KALRN: variants seen among roughly 807,000 people sequenced by gnomAD.
KALRN encodes kalirin RhoGEF kinase.
In KALRN, 70 loss-of-function variants were observed where a neutral mutation model predicts 353.7. That is an observed-to-expected ratio of 0.20 (90% CI 0.16 to 0.24). The LOEUF is 0.24. Among genes scored for constraint, KALRN ranks in the 10% least tolerant of loss-of-function variants. The pLI, the probability that KALRN is intolerant of heterozygous loss-of-function variation, is 1.00. For missense variants in KALRN, 2,791 were observed against 3,756.7 expected (o/e 0.74, Z 6.72); for synonymous variants, 1,391 against 1,434.8 (o/e 0.97, Z 0.69).
intron 5 of KALRN, among the ~76,000 whole-genome samples, chr3:124,286,689 T>A (rs2075944799): frequency 6.6e-6 from 1 of 152,256 alleles, no homozygotes; most frequent in Admixed American, 6.5e-5. Context: ...CATACAATTC[T>A]TTTTATAGAT....
At chr3:124,385,614 G>A (rs1307704229) in intron 11 of KALRN, among the ~76,000 whole-genome samples, 1 of 152,116 alleles carries the variant, frequency 6.6e-6, no homozygotes, top group Non-Finnish European at 1.5e-5. Context: ...TGAAAGAAGG[G>A]GGACTGAGAT....
chr3:124,349,445 GA>G (rs1054841648), intron 10 of KALRN, among the ~76,000 whole-genome samples: 16 of 151,906 alleles, frequency 1.1e-4, no homozygotes, highest in African/African-American at 3.9e-4. Flanking sequence ...AAAACATTAT[GA>G]TTTTTTTTGC....
intron 6 of KALRN, among the ~76,000 whole-genome samples, chr3:124,312,318 G>A (rs955720742): frequency 2.0e-4 from 31 of 152,056 alleles, no homozygotes. Context: ...CCGCCACCAT[G>A]CCCGGCTAAT....
At chr3:124,377,703 A>G (rs971955057) in intron 10 of KALRN, among the ~76,000 whole-genome samples, 2 of 152,176 alleles carry the variant, frequency 1.3e-5, no homozygotes, top group Non-Finnish European at 2.9e-5. Flanking sequence ...CAGTCTTTAC[A>G]TAGTTTGAAC....
At chr3:124,284,777 A>C (rs1300225648) in intron 5 of KALRN, among the ~76,000 whole-genome samples, 1 of 152,204 alleles carries the variant, frequency 6.6e-6, no homozygotes, top group Non-Finnish European at 1.5e-5. Context: ...GAAGACAGTA[A>C]AATTTGCTTA....
intron 3 of KALRN, among the ~76,000 whole-genome samples, chr3:124,252,079 A>C (rs966576597): frequency 1.6e-4 from 25 of 152,194 alleles, no homozygotes; most frequent in Admixed American, 1.6e-3. Flanking sequence ...CTTCTGGCAC[A>C]CTTGAGGGTG....
intron 34 of KALRN, among the ~76,000 whole-genome samples, chr3:124,579,352 A>G (rs755942390): frequency 3.9e-5 from 6 of 152,248 alleles, no homozygotes; most frequent in Non-Finnish European, 7.3e-5. Context: ...AGCCTTATTC[A>G]TGTAAAATGG....
intron 16 of KALRN, among the ~76,000 whole-genome samples, chr3:124,433,596 T>TAAAA (rs144487793): frequency 9.5e-5 from 9 of 95,108 alleles, no homozygotes; most frequent in Non-Finnish European, 1.5e-4. Context: ...AGACCCTGTC[T>TAAAA]AAAAAAAAAA....
intron 31 of KALRN, among the ~76,000 whole-genome samples, chr3:124,492,052 T>C (rs764379175): frequency 3.9e-5 from 6 of 152,060 alleles, no homozygotes; most frequent in Non-Finnish European, 8.8e-5. Context: ...ATGCAGATGA[T>C]GAAGTTCCCA....
intron 1 of KALRN, among the ~76,000 whole-genome samples, chr3:124,047,220 G>A (rs536606749): frequency 6.6e-6 from 1 of 152,262 alleles, no homozygotes; most frequent in South Asian, 2.1e-4. Flanking sequence ...TTAATATTGA[G>A]TGAATGTCTG....
chr3:124,122,327 G>A (rs377692668), intron 1 of KALRN, among the ~76,000 whole-genome samples: 21 of 152,104 alleles, frequency 1.4e-4, no homozygotes, highest in African/African-American at 5.1e-4. Flanking sequence ...GGTGCACAAA[G>A]CCAGACTGCA....
chr3:124,479,924 C>T (rs2061814323), intron 27 of KALRN, among the ~76,000 whole-genome samples: 1 of 152,070 alleles, frequency 6.6e-6, no homozygotes, highest in East Asian at 1.9e-4. Flanking sequence ...AGGGTTTCAC[C>T]GTGTTAGCCA....
chr3:124,603,821 G>T (rs1258759166), intron 34 of KALRN, among the ~76,000 whole-genome samples: 1 of 152,164 alleles, frequency 6.6e-6, no homozygotes, highest in African/African-American at 2.4e-5. Context: ...AAAAGGGGGA[G>T]AATGAAGGTG....
chr3:124,379,649 GT>G (rs1051703497), intron 10 of KALRN, among the ~76,000 whole-genome samples: 12 of 152,150 alleles, frequency 7.9e-5, no homozygotes, highest in African/African-American at 2.9e-4. Context: ...GAACCATGAG[GT>G]TTTCCAGGCT....
At chr3:124,526,816 C>T (rs997739979) in intron 33 of KALRN, among the ~76,000 whole-genome samples, 9 of 152,086 alleles carry the variant, frequency 5.9e-5, no homozygotes, top group African/African-American at 1.9e-4. Flanking sequence ...GAAGGAGTTA[C>T]GTCTCCAAAA....
At chr3:124,671,333 C>A (rs914623455) in intron 47 of KALRN, among the ~76,000 whole-genome samples, 5 of 152,148 alleles carry the variant, frequency 3.3e-5, no homozygotes, top group African/African-American at 1.2e-4. Flanking sequence ...CTCGCCAACA[C>A]GTCACACTTG....
Position 124,712,980 on chromosome 3 carries a change from C to A in KALRN, c.8121C>A (p.Arg2707=). Residue 2707 remains arginine, a synonymous_variant, in exon 58 of 60, where the codon CGC becomes CGA. Transcript: ENST00000682506. ...AGAAATGCATTCACAAAGCTACCCG[C>A]AAAGATGTGGCTGTGAAATTTGTTA... The part of the protein sequence containing the change: ...IVKKCIHKAT[R]KDVAVKFVSK... 6.2e-7 allele frequency: 1 copy of A among 1,614,030 alleles called. No homozygotes were observed. The highest frequency in any genetic ancestry group is 1.1e-5 in the South Asian group (1 of 91,060).
intron 9 of KALRN, among the ~76,000 whole-genome samples, chr3:124,337,823 T>C (rs1384721614): frequency 6.6e-6 from 1 of 152,136 alleles, no homozygotes; most frequent in Non-Finnish European, 1.5e-5. Flanking sequence ...ATTTCAGAAC[T>C]TGTTATTGGT....
chr3:124,717,235 G>T lies in KALRN; in HGVS notation c.8277-12G>T, dbSNP rs139675960. On this transcript the variant is annotated splice_polypyrimidine_tract_variant and intron_variant, in intron 58 of 59. Transcript: ENST00000682506. Reference sequence around the variant, plus strand: ...AAACATATTTCCTTTGCCTTTCCCTGCCTACTTTCAGGATGGATGATGGCC... The same window carrying T: ...AAACATATTTCCTTTGCCTTTCCCTTCCTACTTTCAGGATGGATGATGGCC... The T allele has an allele frequency of 8.2e-6, 13 of 1,582,956 alleles. No homozygotes were observed. The African/African-American group carries it at 1.4e-4, about 17-fold the overall frequency.
Sources: gnomAD v4.1 joint callset for allele counts (sites outside exome capture counted in the v4.1 genomes callset) on GRCh38, gnomAD v4.1.1 for gene constraint, MANE v1.5 for transcripts, NCBI Gene and HGNC (gene_info 2026-07-23, HGNC 2026-07-21) for gene names.